The following CACNA1H variants were observed in gnomAD, a reference collection of about 807,000 sequenced individuals.
CACNA1H encodes the protein voltage-dependent T-type calcium channel subunit alpha-1H.
A neutral mutation model predicts 192.5 loss-of-function variants in CACNA1H; 149 were observed. The observed-to-expected ratio is 0.77, with a 90% CI of 0.68 to 0.89. The LOEUF is 0.89. CACNA1H is among the 40% of genes least tolerant of loss of function. The pLI is 0.00. For synonymous variants in CACNA1H, 2,202 were observed against 1,475.2 expected (o/e 1.49, Z -11.29); for missense variants, 4,257 against 3,423.5 (o/e 1.24, Z -6.08).
intron 2 of CACNA1H, among the ~76,000 whole-genome samples, chr16:1,155,162 C>T (rs59454235): frequency 0.012 from 1,801 of 152,364 alleles, 39 homozygotes; most frequent in African/African-American, 0.028. Context: ...TTTCTCCTTT[C>T]TCAAATCCAA....
chr16:1,153,998 G>T lies in CACNA1H; in HGVS notation c.261G>T (p.Thr87=). Residue 87 remains threonine (T), a synonymous_variant, in exon 2 of 35, where the codon ACG becomes ACT. Transcript: ENST00000348261. The stretch of plus-strand genomic sequence containing the variant: ...TCTTCTTCTGCCTCGGTCAGACCAC[G>T]CGGCCGCGCAGCTGGTGCCTCCGGC... ...ATVFFCLGQT[T]RPRSWCLRLV... The T allele has an allele frequency of 2.1e-6, 3 of 1,403,340 alleles. No homozygotes were observed. Among genetic ancestry groups the T allele is most frequent in the Non-Finnish European group, 2.8e-6 (3 of 1,073,666 alleles). 86.9% of individuals were successfully genotyped at this position (1,403,340 alleles called of 1,614,324 possible).
rs541084208 is a variant in CACNA1H, at chr16:1,209,607, C to G, written c.3744+195C>G. On this transcript the variant is annotated intron_variant, in intron 17 of 34. Transcript: ENST00000348261. Reference sequence around the variant, plus strand: ...GCCACAGATGATCCCAGAGTCCCCCCTCTGCCGTCTAGGGGCTGTGAGCTA... The same window carrying G: ...GCCACAGATGATCCCAGAGTCCCCCGTCTGCCGTCTAGGGGCTGTGAGCTA... The G allele has an allele frequency of 1.5e-4, 103 of 686,656 alleles. No individual in the cohort carries two copies. In the African/African-American group the frequency reaches 1.6e-3, roughly 11 times the overall value. The allele number at this position is 686,656 out of a possible 1,614,324, so 42.5% of individuals were successfully genotyped here.
At chr16:1,184,738 A>G (rs1965811087) in intron 2 of CACNA1H, among the ~76,000 whole-genome samples, 1 of 152,202 alleles carries the variant, frequency 6.6e-6, no homozygotes, top group Admixed American at 6.5e-5. Flanking sequence ...ATGCCTGCCC[A>G]TGTGCCGGGT....
chr16:1,169,496 TGGC>T (rs1267862666), intron 2 of CACNA1H, among the ~76,000 whole-genome samples: 2 of 152,158 alleles, frequency 1.3e-5, no homozygotes, highest in Non-Finnish European at 2.9e-5. Context: ...CAGCAGGGCT[TGGC>T]GGGCACAGCG....
intron 2 of CACNA1H, chr16:1,157,637 C>T (rs1239911974): frequency 1.3e-5 from 2 of 152,306 alleles, no homozygotes; most frequent in Admixed American, 6.5e-5. Flanking sequence ...GCTGGTCGTC[C>T]CCTACTGACC....
intron 2 of CACNA1H, among the ~76,000 whole-genome samples, chr16:1,174,210 C>G (rs1053703737): frequency 3.3e-5 from 5 of 152,200 alleles, no homozygotes; most frequent in Non-Finnish European, 7.3e-5. Context: ...TTGCTCCTCC[C>G]TCTCATGGCA....
At chr16:1,199,610 C>T (rs889861127) in intron 6 of CACNA1H, among the ~76,000 whole-genome samples, 1 of 151,050 alleles carries the variant, frequency 6.6e-6, no homozygotes, top group Admixed American at 6.6e-5. Flanking sequence ...CCCAGGGTCT[C>T]CCCTCGGCCC....
chr16:1,203,678 C>T (rs925224433), intron 9 of CACNA1H, among the ~76,000 whole-genome samples: 2 of 152,214 alleles, frequency 1.3e-5, no homozygotes, highest in Non-Finnish European at 2.9e-5. Flanking sequence ...CCTCGCCTCT[C>T]CTAAGTTCTG....
At chr16:1,164,795 C>T (rs908158897) in intron 2 of CACNA1H, among the ~76,000 whole-genome samples, 1 of 152,220 alleles carries the variant, frequency 6.6e-6, no homozygotes, top group Admixed American at 6.5e-5. Flanking sequence ...ACTGGCCGGG[C>T]TCCGGATATG....
At position 1,220,938 on chromosome 16, in the gene CACNA1H, C is replaced by T. The variant is rs1448310726; in HGVS notation, c.7006C>T (p.Pro2336Ser). 3.1e-6 allele frequency: 5 copies of T among 1,607,886 alleles called. No individual in the cohort carries two copies. The South Asian group carries it at 3.3e-5, about 11-fold the overall frequency. Reference sequence around the variant, plus strand: ...AGTCCCCCAGTGTCCTCTGGAGAAACCAGGGTCCCCCTCAGCCACCCCTGC... The same window carrying T: ...AGTCCCCCAGTGTCCTCTGGAGAAATCAGGGTCCCCCTCAGCCACCCCTGC... The part of the protein sequence containing the change: ...LTVPQCPLEK[P>S]GSPSATPAPG... Residue 2336 changes from proline (P) to serine (S), a missense_variant, in exon 35 of 35, where the codon CCA (proline) becomes TCA (serine). Physicochemically the swap from Pro to Ser is moderately conservative, Grantham distance 74. Coordinates refer to ENST00000348261, the MANE Select transcript of CACNA1H (RefSeq NM_021098.3).
rs150576058 is a variant in CACNA1H, at chr16:1,181,376, G to T, written c.300-13596G>T. ...GGACAGCTGCCGAGCCCCCGGCAAC[G>T]GTGGGAGCTGAGCCAGCGCTTTGAC... On this transcript the variant is annotated intron_variant, in intron 2 of 34. Coordinates refer to ENST00000348261, the MANE Select transcript of CACNA1H (RefSeq NM_021098.3). Among the ~76,000 whole-genome samples, 36 of 152,380 alleles carry T rather than the reference G, an allele frequency of 2.4e-4. No individual in the cohort carries two copies. The East Asian group carries it at 3.5e-3, about 15-fold the overall frequency.
At chr16:1,185,641 G>A (rs1335659784) in intron 2 of CACNA1H, among the ~76,000 whole-genome samples, 7 of 133,572 alleles carry the variant, frequency 5.2e-5, no homozygotes, top group East Asian at 2.3e-4. Flanking sequence ...GGGCGGGCGA[G>A]TAGACGGTCG....
intron 5 of CACNA1H, among the ~76,000 whole-genome samples, chr16:1,197,853 C>T (rs1023811077): frequency 1.3e-5 from 2 of 152,172 alleles, no homozygotes; most frequent in Admixed American, 6.5e-5. Flanking sequence ...GAAAGGACGT[C>T]TTGGGGGAGC....
Position 1,204,370 on chromosome 16 carries a change from G to T in CACNA1H, c.2363G>T (p.Arg788Leu). ...LWVTFSGKLR[R>L]IVDSKYFSRG... The stretch of plus-strand genomic sequence containing the variant: ...GTTACCTTCAGCGGCAAGCTGCGCC[G>T]CATCGTGGACAGCAAGTACTTCAGC... The change falls in exon 10 of 35, where the codon CGC becomes CTC. Residue 788 changes from arginine to leucine, a missense_variant. By Grantham distance (102) the Arg-to-Leu change is moderately radical (BLOSUM62 -2). Transcript: ENST00000348261. 3.2e-6 allele frequency: 5 copies of T among 1,569,106 alleles called. No homozygotes were observed. Among genetic ancestry groups the T allele is most frequent in the South Asian group, 2.4e-5 (2 of 82,770 alleles).
chr16:1,189,546 T>C (rs539713021), intron 2 of CACNA1H, among the ~76,000 whole-genome samples: 10 of 151,366 alleles, frequency 6.6e-5, no homozygotes, highest in Admixed American at 6.6e-4. Context: ...CCTCCCCGAG[T>C]AGCTGCCACC....
At chr16:1,206,879 A>C in intron 12 of CACNA1H, 122 bp from the exon 13 acceptor site, 2 of 604,984 alleles carry the variant, frequency 3.3e-6, no homozygotes. Context: ...AGGCCAGGAG[A>C]GCCAAGACGG....
chr16:1,162,262 A>G (rs1963280919), intron 2 of CACNA1H, among the ~76,000 whole-genome samples: 1 of 152,140 alleles, frequency 6.6e-6, no homozygotes, highest in Non-Finnish European at 1.5e-5. Flanking sequence ...ACTCTGTTAC[A>G]GCTGCCTCCT....
chr16:1,215,209 C>T (rs1340339993), intron 28 of CACNA1H, 33 bp from the exon 29 acceptor site: 9 of 1,589,802 alleles, frequency 5.7e-6, no homozygotes. Flanking sequence ...GGCGGGGACC[C>T]CAGACGTGTG....
chr16:1,156,191 C>T (rs1026726879), intron 2 of CACNA1H, among the ~76,000 whole-genome samples: 5 of 152,204 alleles, frequency 3.3e-5, no homozygotes, highest in Non-Finnish European at 7.4e-5. Context: ...TTTGGCTCTC[C>T]CAGCTCCAAA....
Sources: gnomAD v4.1 joint callset for allele counts (sites outside exome capture counted in the v4.1 genomes callset) on GRCh38, gnomAD v4.1.1 for gene constraint, MANE v1.5 for transcripts, NCBI Gene and HGNC (gene_info 2026-07-23, HGNC 2026-07-21) for gene names.